LOC128092252: variants seen among roughly 807,000 people sequenced by gnomAD.
the LOC128092252 span, among the ~76,000 whole-genome samples, chr15:50,654,845 C>CA: frequency 6.8e-6 from 1 of 146,040 alleles, no homozygotes; most frequent in African/African-American, 2.5e-5. Flanking sequence ...AAAAAAACCA[C>CA]AAAAAACTAC....
At chr15:50,650,194 A>G in the LOC128092252 span, among the ~76,000 whole-genome samples, 1 of 31,166 alleles carries the variant, frequency 3.2e-5, no homozygotes, top group East Asian at 9.7e-4. Flanking sequence ...CTTTGTCTCA[A>G]AAAAAAAAAA....
chr15:50,674,253 T>G, the LOC128092252 span, among the ~76,000 whole-genome samples: 1 of 152,182 alleles, frequency 6.6e-6, no homozygotes, highest in Non-Finnish European at 1.5e-5. Flanking sequence ...CCTCCCAAAG[T>G]GCTAGGATTA....
the LOC128092252 span, among the ~76,000 whole-genome samples, chr15:50,651,652 AATTAAAGAAAAG>A: frequency 1.8e-4 from 28 of 152,190 alleles, no homozygotes; most frequent in Non-Finnish European, 2.4e-4. Context: ...TTAAAGAAAA[AATTAAAGAAAAG>A]AAGACTGTGG....
At chr15:50,664,260 A>G in the LOC128092252 span, among the ~76,000 whole-genome samples, 1 of 146,100 alleles carries the variant, frequency 6.8e-6, no homozygotes, top group Non-Finnish European at 1.5e-5. Flanking sequence ...CAGTGAGCCG[A>G]GATCGCGCCA....
chr15:50,678,154 T>G, the LOC128092252 span, among the ~76,000 whole-genome samples: 30 of 147,016 alleles, frequency 2.0e-4, no homozygotes, highest in African/African-American at 7.5e-4. Flanking sequence ...GGCAGGAGGA[T>G]GGCGTGAACC....
chr15:50,671,636 C>A, the LOC128092252 span, among the ~76,000 whole-genome samples: 4 of 109,958 alleles, frequency 3.6e-5, no homozygotes, highest in East Asian at 7.8e-4. Context: ...TAATGAGATC[C>A]TGTCGCTACA....
At chr15:50,649,699 A>C in the LOC128092252 span, among the ~76,000 whole-genome samples, 1 of 152,198 alleles carries the variant, frequency 6.6e-6, no homozygotes, top group African/African-American at 2.4e-5. Flanking sequence ...TCTACCCAGA[A>C]GCACATACTG....
chr15:50,666,839 G>C, the LOC128092252 span, among the ~76,000 whole-genome samples: 1 of 152,132 alleles, frequency 6.6e-6, no homozygotes, highest in Non-Finnish European at 1.5e-5. Flanking sequence ...GGCAGCACAA[G>C]TAATAGTAAG....
At chr15:50,683,147 C>CA in the LOC128092252 span, among the ~76,000 whole-genome samples, 8 of 151,680 alleles carry the variant, frequency 5.3e-5, no homozygotes, top group Non-Finnish European at 8.8e-5. Flanking sequence ...CTCAGTCTCT[C>CA]AAAGTGCTAG....
chr15:50,663,778 C>T, the LOC128092252 span, among the ~76,000 whole-genome samples: 1 of 152,088 alleles, frequency 6.6e-6, no homozygotes, highest in Non-Finnish European at 1.5e-5. Flanking sequence ...CCCTGGAAAA[C>T]ATGGTGAAAC....
chr15:50,670,965 G>C, the LOC128092252 span, among the ~76,000 whole-genome samples: 1 of 152,062 alleles, frequency 6.6e-6, no homozygotes, highest in Non-Finnish European at 1.5e-5. Flanking sequence ...CTGGAGCTCA[G>C]GAATTTGAGA....
chr15:50,654,017 A>G, the LOC128092252 span, among the ~76,000 whole-genome samples: 606 of 152,316 alleles, frequency 4.0e-3, 5 homozygotes, highest in African/African-American at 0.014. Flanking sequence ...TCAAAATAGA[A>G]GTAGAACTGC....
At chr15:50,662,375 T>G in the LOC128092252 span, among the ~76,000 whole-genome samples, 1 of 151,556 alleles carries the variant, frequency 6.6e-6, no homozygotes, top group African/African-American at 2.4e-5. Context: ...AATGTTTAAG[T>G]AAATATTTCA....
the LOC128092252 span, chr15:50,686,417 G>T: frequency 6.4e-7 from 1 of 1,563,960 alleles, no homozygotes; most frequent in Non-Finnish European, 8.8e-7. Context: ...AAGGCAATTC[G>T]AGGGTCCTTC....
chr15:50,665,997 A>C, the LOC128092252 span, among the ~76,000 whole-genome samples: 3 of 152,106 alleles, frequency 2.0e-5, no homozygotes, highest in Non-Finnish European at 4.4e-5. Context: ...TCTCTCAAAA[A>C]ATAATAATTT....
the LOC128092252 span, among the ~76,000 whole-genome samples, chr15:50,685,269 G>T: frequency 6.6e-6 from 1 of 152,170 alleles, no homozygotes; most frequent in African/African-American, 2.4e-5. Flanking sequence ...TAAGAGACGA[G>T]CCTGCCAAAC....
the LOC128092252 span, among the ~76,000 whole-genome samples, chr15:50,684,358 G>C: frequency 6.6e-6 from 1 of 152,086 alleles, no homozygotes; most frequent in Non-Finnish European, 1.5e-5. Flanking sequence ...ATAAAGAGTA[G>C]AAGCTGGGCA....
chr15:50,672,648 G>T, the LOC128092252 span, among the ~76,000 whole-genome samples: 206 of 151,640 alleles, frequency 1.4e-3, 3 homozygotes, highest in African/African-American at 4.8e-3. Context: ...GGTGGCTCAC[G>T]CCTGTAACCC....
chr15:50,669,246 A>G, the LOC128092252 span, among the ~76,000 whole-genome samples: 1 of 151,102 alleles, frequency 6.6e-6, no homozygotes, highest in Admixed American at 6.6e-5. Context: ...GTTCGAGACC[A>G]GCCTGGCCAA....
Sources: gnomAD v4.1 joint callset for allele counts (sites outside exome capture counted in the v4.1 genomes callset) on GRCh38, gnomAD v4.1.1 for gene constraint, MANE v1.5 for transcripts.